THSD4: variants seen among roughly 807,000 people sequenced by gnomAD.
THSD4 encodes thrombospondin type 1 domain containing 4.
A neutral mutation model predicts 119.0 loss-of-function variants in THSD4; 69 were observed. That is an observed-to-expected ratio of 0.58 (90% CI 0.48 to 0.71). The LOEUF (loss-of-function observed/expected upper bound fraction) is 0.71. Ranked by LOEUF, THSD4 falls within the 30% of genes least tolerant of loss-of-function variation. The pLI is 0.00. For missense variants in THSD4, 1,393 were observed against 1,391.1 expected, an observed-to-expected ratio of 1.00 and a Z score of -0.02; for synonymous variants, 524 against 540.4, an observed-to-expected ratio of 0.97 and a Z score of 0.42.
Position 71,416,616 on chromosome 15 carries a change from C to A in THSD4, c.1152+4793C>A, listed in dbSNP as rs759587323. ...GTGATGTTGAGTAGGTTTCTATATA[C>A]CTCTTTTCCATTTGTATGTCTTCTT... On this transcript the variant is annotated intron_variant, in intron 7 of 17. Coordinates refer to ENST00000261862, the MANE Select transcript of THSD4 (RefSeq NM_024817.3). Among the ~76,000 whole-genome samples the A allele has an allele frequency of 5.5e-5, 6 of 108,490 alleles. 3 individuals are homozygous for A. Among genetic ancestry groups the A allele is most frequent in the Non-Finnish European group, 1.2e-4 (6 of 49,178 alleles). The allele number at this position is 108,490 out of a possible 152,430, so 71.2% of individuals were successfully genotyped here. A position where few individuals can be genotyped will look rare whatever the true frequency, so the allele number is the denominator to read the frequency against.
intron 7 of THSD4, among the ~76,000 whole-genome samples, chr15:71,643,448 C>G (rs934044814): frequency 1.1e-4 from 17 of 151,908 alleles, no homozygotes; most frequent in African/African-American, 4.1e-4. Flanking sequence ...TTTTCTGCTC[C>G]TCTCCTTTCT....
At chr15:71,605,476 CAGA>C (rs1381710024) in intron 7 of THSD4, among the ~76,000 whole-genome samples, 2 of 152,262 alleles carry the variant, frequency 1.3e-5, no homozygotes, top group South Asian at 4.1e-4. Context: ...GTGGACAGAA[CAGA>C]AGAAGAAGTG....
At chr15:71,332,373 G>A (rs2045432247) in intron 6 of THSD4, among the ~76,000 whole-genome samples, 1 of 152,180 alleles carries the variant, frequency 6.6e-6, no homozygotes, top group African/African-American at 2.4e-5. Flanking sequence ...TGAATGTATG[G>A]TAAGTCTTAC....
chr15:71,174,979 C>T (rs1476159221), intron 3 of THSD4, among the ~76,000 whole-genome samples: 3 of 149,800 alleles, frequency 2.0e-5, no homozygotes, highest in African/African-American at 4.9e-5. Context: ...CACCGAAAAC[C>T]CATCTGTACA....
chr15:71,616,571 AG>A (rs1487929671), intron 7 of THSD4, among the ~76,000 whole-genome samples: 2 of 152,250 alleles, frequency 1.3e-5, no homozygotes, highest in African/African-American at 4.8e-5. Flanking sequence ...CTTGGAAAAT[AG>A]GGTTAGAACT....
At chr15:71,471,274 G>A (rs948346762) in intron 7 of THSD4, among the ~76,000 whole-genome samples, 2 of 152,138 alleles carry the variant, frequency 1.3e-5, no homozygotes, top group African/African-American at 4.8e-5. Context: ...TTAATCACTA[G>A]GGCAAGCAGG....
chr15:71,541,089 T>G (rs6494943), intron 7 of THSD4, among the ~76,000 whole-genome samples: 106,199 of 152,108 alleles, frequency 0.7, 38,332 homozygotes, highest in East Asian at 0.95. Context: ...TATGAAAGGG[T>G]ATATAGAAAT....
At chr15:71,744,147 C>CTTTT (rs56158827) in intron 11 of THSD4, among the ~76,000 whole-genome samples, 9 of 102,732 alleles carry the variant, frequency 8.8e-5, no homozygotes, top group Non-Finnish European at 1.2e-4. Context: ...ATTGAATCAG[C>CTTTT]TTTTTTTTTT....
chr15:71,317,762 G>A (rs1184044238), intron 6 of THSD4, among the ~76,000 whole-genome samples: 2 of 152,140 alleles, frequency 1.3e-5, no homozygotes, highest in African/African-American at 4.8e-5. Flanking sequence ...TTCAAATCCT[G>A]GATCTATCAC....
intron 1 of THSD4, 32 bp from the exon 2 acceptor site, chr15:71,141,417 G>A: frequency 4.3e-6 from 5 of 1,172,534 alleles, no homozygotes; most frequent in Non-Finnish European, 5.9e-6. Context: ...CTAAGTAAAT[G>A]TTGCTAAAAA....
At chr15:71,613,995 G>C (rs2050277827) in intron 7 of THSD4, among the ~76,000 whole-genome samples, 1 of 152,098 alleles carries the variant, frequency 6.6e-6, no homozygotes, top group Non-Finnish European at 1.5e-5. Context: ...ATTCATTAAT[G>C]CAACTTTTAA....
At chr15:71,344,137 C>G (rs1378713407) in intron 6 of THSD4, among the ~76,000 whole-genome samples, 1 of 150,668 alleles carries the variant, frequency 6.6e-6, no homozygotes, top group Admixed American at 6.6e-5. Context: ...CTCCCAGGTT[C>G]ACGCCATTCT....
chr15:71,106,218 G>A (rs1340345470), intron 1 of THSD4, among the ~76,000 whole-genome samples: 1 of 152,172 alleles, frequency 6.6e-6, no homozygotes, highest in Non-Finnish European at 1.5e-5. Flanking sequence ...CGTGCACAGT[G>A]TGCTTAACCT....
intron 7 of THSD4, among the ~76,000 whole-genome samples, chr15:71,624,263 A>G (rs944029938): frequency 2.6e-5 from 4 of 152,250 alleles, no homozygotes; most frequent in Non-Finnish European, 4.4e-5. Flanking sequence ...ACACTTGAGC[A>G]AAGCAGTCCT....
chr15:71,384,115 C>T (rs546982359), intron 6 of THSD4, among the ~76,000 whole-genome samples: 2 of 152,332 alleles, frequency 1.3e-5, no homozygotes, highest in East Asian at 3.9e-4. Flanking sequence ...CGCGGTGGCT[C>T]ACGCCTGTAA....
chr15:71,776,745 A>C (rs891523159), intron 17 of THSD4, among the ~76,000 whole-genome samples: 24 of 152,262 alleles, frequency 1.6e-4, no homozygotes, highest in African/African-American at 5.5e-4. Flanking sequence ...AAAATGATTA[A>C]ATTGTGGATT....
chr15:71,288,885 A>C (rs147556595), intron 6 of THSD4, among the ~76,000 whole-genome samples: 1 of 152,150 alleles, frequency 6.6e-6, no homozygotes. Context: ...GGTCTTCTGC[A>C]TGGGGGATTT....
intron 7 of THSD4, among the ~76,000 whole-genome samples, chr15:71,530,518 G>A (rs894413851): frequency 3.3e-5 from 5 of 152,044 alleles, no homozygotes; most frequent in African/African-American, 7.2e-5. Context: ...ACTTATTTGG[G>A]GCTAAATATG....
chr15:71,273,189 A>C (rs916737791), intron 6 of THSD4, among the ~76,000 whole-genome samples: 1 of 152,246 alleles, frequency 6.6e-6, no homozygotes, highest in African/African-American at 2.4e-5. Context: ...GTCTGTGTAC[A>C]TGAAAGAATA....
Sources: allele counts gnomAD v4.1 joint callset (sites outside exome capture counted in the v4.1 genomes callset), GRCh38; gene constraint gnomAD v4.1.1; transcripts MANE v1.5; gene names NCBI Gene and HGNC (gene_info 2026-07-23, HGNC 2026-07-21).